The following THRA variants were observed in gnomAD, a reference collection of about 807,000 sequenced individuals.
THRA encodes the protein thyroid hormone receptor alpha, also known as EAR-7.
Under a neutral mutation model 45.0 loss-of-function variants are expected in THRA, and 13 were observed. That is an observed-to-expected ratio of 0.29 (90% CI 0.19 to 0.46). The LOEUF is 0.46. Among genes scored for constraint, THRA ranks in the 20% least tolerant of loss-of-function variants. The probability of loss-of-function intolerance (pLI) is 1.00; values close to 1 mark genes in which losing one functional copy is unlikely to be tolerated. For synonymous variants in THRA, 195 were observed against 214.0 expected, an observed-to-expected ratio of 0.91 and a Z score of 0.78; for missense variants, 278 against 556.1, an observed-to-expected ratio of 0.50 and a Z score of 5.03.
intron 2 of THRA, among the ~76,000 whole-genome samples, chr17:40,076,182 G>A (rs1437221340): frequency 1.3e-5 from 2 of 152,208 alleles, no homozygotes; most frequent in Admixed American, 1.3e-4. Flanking sequence ...CCAGGCACAA[G>A]CAGGGTCTCA....
chr17:40,093,282 T>C (rs1598401400), downstream of THRA: 1 of 1,613,496 alleles, frequency 6.2e-7, no homozygotes, highest in Non-Finnish European at 8.5e-7. This position sits in a 1 kb window ranked among gnomAD's most constrained non-coding sequence, Gnocchi z 5.9. Flanking sequence ...GCCCGAGCGG[T>C]CTGTGGGGAA....
intron 8 of THRA, among the ~76,000 whole-genome samples, chr17:40,088,906 C>T (rs1987429219): frequency 6.6e-6 from 1 of 151,432 alleles, no homozygotes; most frequent in South Asian, 2.1e-4. Flanking sequence ...GACCACCAAC[C>T]TCAGTCCTCC....
At chr17:40,068,064 A>C (rs1212940152) in intron 1 of THRA, among the ~76,000 whole-genome samples, 1 of 151,980 alleles carries the variant, frequency 6.6e-6, no homozygotes, top group Non-Finnish European at 1.5e-5. Flanking sequence ...AAAAAACCCA[A>C]CTCTAGTTCT....
At chr17:40,065,373 C>A (rs1986516807) in intron 1 of THRA, among the ~76,000 whole-genome samples, 1 of 152,120 alleles carries the variant, frequency 6.6e-6, no homozygotes, top group South Asian at 2.1e-4. Flanking sequence ...GGAAGCTTTC[C>A]TTAAGAGGCC....
Position 40,074,237 on chromosome 17 carries a change from C to T in THRA, c.-252C>T, listed in dbSNP as rs1986872675. On this transcript the variant is annotated 5_prime_UTR_variant, in exon 2 of 9. Transcript: ENST00000450525. ...ACTCCGAAGCTACTCCCCCAGCACACAGCCCGGGACCCACAAACCCAGCTT... is the reference window on the plus strand; with the variant it reads ...ACTCCGAAGCTACTCCCCCAGCACATAGCCCGGGACCCACAAACCCAGCTT... The T allele has an allele frequency of 1.9e-6, 1 of 531,232 alleles. No homozygotes were observed. Among genetic ancestry groups the T allele is most frequent in the Non-Finnish European group, 3.4e-6 (1 of 292,770 alleles). 32.9% of individuals were successfully genotyped at this position (531,232 alleles called of 1,614,324 possible).
Position 40,077,566 on chromosome 17 carries a change from A to G in THRA, c.180A>G (p.Ala60=), listed in dbSNP as rs781700546. 3 of 1,614,038 alleles carry G rather than the reference A, an allele frequency of 1.9e-6. No individual in the cohort carries two copies. The Admixed American group carries it at 5.0e-5, about 27-fold the overall frequency. Residue 60 remains alanine, a synonymous_variant, in exon 4 of 9, where the codon GCA becomes GCG. Transcript: ENST00000450525. ...DEQCVVCGDK[A]TGYHYRCITC... ...AGTGTGTCGTGTGTGGGGACAAGGC[A>G]ACTGGTTATCACTACCGCTGTATCA...
chr17:40,093,326 TCTGAG>T, downstream of THRA: 1 of 1,613,256 alleles, frequency 6.2e-7, no homozygotes, highest in African/African-American at 1.3e-5. The surrounding 1 kb of genome is among the most constrained non-coding windows in gnomAD (Gnocchi z 5.9). Flanking sequence ...CCCGAGCTCC[TCTGAG>T]GAGGAACCGG....
At chr17:40,065,495 C>T (rs1220061161) in intron 1 of THRA, among the ~76,000 whole-genome samples, 1 of 152,216 alleles carries the variant, frequency 6.6e-6, no homozygotes, top group African/African-American at 2.4e-5. Flanking sequence ...CTCTCTCTCT[C>T]CTTGTTTCTC....
At chr17:40,077,863 G>T (rs1460230398) in intron 4 of THRA, among the ~76,000 whole-genome samples, 2 of 151,938 alleles carry the variant, frequency 1.3e-5, no homozygotes, top group Non-Finnish European at 2.9e-5. Context: ...CACCCAGCTA[G>T]TTTTTTTGTA....
At chr17:40,070,450 G>A (rs1986734483) in intron 1 of THRA, among the ~76,000 whole-genome samples, 1 of 152,192 alleles carries the variant, frequency 6.6e-6, no homozygotes, top group Non-Finnish European at 1.5e-5. Context: ...CAGCATGGGG[G>A]CACATGTCGC....
chr17:40,086,667 G>C (rs1289842257), intron 6 of THRA, 40 bp from the exon 7 acceptor site: 1 of 1,601,808 alleles, frequency 6.2e-7, no homozygotes, highest in South Asian at 1.1e-5. Context: ...GAGGCTGAAA[G>C]GGGTCTGCGG....
intron 1 of THRA, among the ~76,000 whole-genome samples, chr17:40,070,891 T>C (rs979349039): frequency 6.7e-6 from 1 of 149,894 alleles, no homozygotes; most frequent in African/African-American, 2.5e-5. Context: ...TTGTTACCTT[T>C]CTCTCTTTGT....
At chr17:40,093,137 G>T (rs914054166), downstream of THRA, 5 of 1,614,088 alleles carry the variant, frequency 3.1e-6, no homozygotes, top group Non-Finnish European at 4.2e-6. The surrounding 1 kb of genome is among the most constrained non-coding windows in gnomAD (Gnocchi z 5.9). Flanking sequence ...TGTTGTTCAG[G>T]GTCCGCAGGT....
At chr17:40,082,207 CTTTTTTTTT>C (rs770974952) in intron 4 of THRA, among the ~76,000 whole-genome samples, 2 of 78,796 alleles carry the variant, frequency 2.5e-5, no homozygotes, top group Admixed American at 2.9e-4. Flanking sequence ...CTTGGATTTC[CTTTTTTTTT>C]TTTTTTTTTT....
At chr17:40,065,287 G>C (rs1018312796) in intron 1 of THRA, among the ~76,000 whole-genome samples, 5 of 152,068 alleles carry the variant, frequency 3.3e-5, no homozygotes, top group African/African-American at 1.2e-4. Context: ...GGAACAGTCA[G>C]TCACTTCCAG....
At chr17:40,071,208 G>A (rs1227821011) in intron 1 of THRA, among the ~76,000 whole-genome samples, 1 of 152,206 alleles carries the variant, frequency 6.6e-6, no homozygotes, top group East Asian at 1.9e-4. Flanking sequence ...ACAAAGTTCA[G>A]GGGCCCCAGA....
rs779050107 is a variant in THRA, at chr17:40,064,379, C to T, written c.-298+1287C>T. Among the ~76,000 whole-genome samples the T allele has an allele frequency of 3.2e-4, 48 of 152,196 alleles. 1 individual carries two copies. Among genetic ancestry groups the T allele is most frequent in the African/African-American group, 9.7e-5 (4 of 41,434 alleles). On this transcript the variant is annotated intron_variant, in intron 1 of 8. Coordinates refer to ENST00000450525, the MANE Select transcript of THRA (RefSeq NM_199334.5). ...ACACAGCAGCACAATTACAAAAGAC[C>T]CTGTCACTCACAGGCACACACGTGC...
intron 7 of THRA, among the ~76,000 whole-genome samples, chr17:40,087,958 T>C (rs777462415): frequency 6.6e-6 from 1 of 152,050 alleles, no homozygotes; most frequent in Non-Finnish European, 1.5e-5. Flanking sequence ...GGTTTCACCA[T>C]GTATGTTGGC....
At chr17:40,077,738 C>G in intron 4 of THRA, 130 bp downstream of exon 4, 1 of 713,192 alleles carries the variant, frequency 1.4e-6, no homozygotes, top group Middle Eastern at 4.2e-4. Context: ...ACTCTTGTCC[C>G]CCAGGCTGGA....
Sources: allele counts gnomAD v4.1 joint callset (sites outside exome capture counted in the v4.1 genomes callset), GRCh38; gene constraint gnomAD v4.1.1; non-coding constraint Gnocchi (gnomAD v3.1); transcripts MANE v1.5; gene names NCBI Gene and HGNC (gene_info 2026-07-23, HGNC 2026-07-21).